Variants in ZNF804B observed in about 807,000 individuals in gnomAD.
ZNF804B encodes zinc finger 804B.
In ZNF804B, 80 loss-of-function variants were observed where a neutral mutation model predicts 101.4. The observed-to-expected ratio is 0.79, with a 90% CI of 0.66 to 0.95. ZNF804B has a LOEUF of 0.95. ZNF804B is among the 40% of genes least tolerant of loss of function. The pLI is 0.00. For missense variants in ZNF804B, 1,673 were observed against 1,561.9 expected, an observed-to-expected ratio of 1.07 and a Z score of -1.20; for synonymous variants, 622 against 558.8, an observed-to-expected ratio of 1.11 and a Z score of -1.59.
intron 1 of ZNF804B, among the ~76,000 whole-genome samples, chr7:88,773,166 G>T (rs28593572): frequency 0.023 from 3,440 of 152,272 alleles, 125 homozygotes; most frequent in African/African-American, 0.078. Context: ...TATGAAAAAT[G>T]TTAAAGTGAC....
intron 2 of ZNF804B, among the ~76,000 whole-genome samples, chr7:89,221,376 A>G (rs566851993): frequency 6.6e-6 from 1 of 152,002 alleles, no homozygotes; most frequent in South Asian, 2.1e-4. Context: ...AGACCAGGAA[A>G]GGTCTCATGC....
chr7:88,978,976 G>T (rs901061942), intron 1 of ZNF804B, among the ~76,000 whole-genome samples: 1 of 151,748 alleles, frequency 6.6e-6, no homozygotes, highest in Non-Finnish European at 1.5e-5. Flanking sequence ...AGACTTGCAA[G>T]TAACATCTTA....
intron 2 of ZNF804B, among the ~76,000 whole-genome samples, chr7:89,320,297 T>C (rs2115966617): frequency 6.6e-6 from 1 of 152,074 alleles, no homozygotes; most frequent in South Asian, 2.1e-4. Context: ...AGTAATGATA[T>C]ACAACAAAAA....
chr7:89,051,257 A>G (rs1223415821), intron 1 of ZNF804B, among the ~76,000 whole-genome samples: 2 of 152,144 alleles, frequency 1.3e-5, no homozygotes, highest in Non-Finnish European at 2.9e-5. Flanking sequence ...ATAAATTTTT[A>G]AGTAGGTATT....
In ZNF804B at chr7:88,794,981, T is replaced by C. The variant is rs142365225; in HGVS notation, c.108+34897T>C. On this transcript the variant is annotated intron_variant, in intron 1 of 3. Transcript: ENST00000333190. ...TATTTTTCCAGATGATTCCAGCTTT[T>C]AGCTTATCATAATATTTATGCTGCC... 103 of 1,501,454 alleles carry C rather than the reference T, an allele frequency of 6.9e-5. No individual in the cohort carries two copies. In the African/African-American group the frequency reaches 1.3e-3, roughly 18 times the overall value. 93.0% of individuals were successfully genotyped at this position (1,501,454 alleles called of 1,614,324 possible).
At chr7:89,208,097 T>G (rs543671775) in intron 1 of ZNF804B, among the ~76,000 whole-genome samples, 1 of 151,286 alleles carries the variant, frequency 6.6e-6, no homozygotes, top group African/African-American at 2.4e-5. Context: ...TTTTTTTTTT[T>G]TTGAGACAGA....
At chr7:89,178,659 T>C (rs1399550248) in intron 1 of ZNF804B, among the ~76,000 whole-genome samples, 1 of 152,162 alleles carries the variant, frequency 6.6e-6, no homozygotes, top group African/African-American at 2.4e-5. Flanking sequence ...TTTTTGATCA[T>C]TTCATCTTTA....
intron 1 of ZNF804B, among the ~76,000 whole-genome samples, chr7:89,024,977 AC>A (rs1322452056): frequency 6.6e-6 from 1 of 151,948 alleles, no homozygotes; most frequent in Non-Finnish European, 1.5e-5. Context: ...GACTAATTAC[AC>A]CCATACCTAT....
At chr7:88,912,004 G>T in intron 1 of ZNF804B, among the ~76,000 whole-genome samples, 1 of 151,530 alleles carries the variant, frequency 6.6e-6, no homozygotes, top group East Asian at 1.9e-4. Context: ...ACAGTAATTT[G>T]CTTATCCATT....
chr7:89,150,632 T>C (rs1033689410), intron 1 of ZNF804B, among the ~76,000 whole-genome samples: 8 of 152,168 alleles, frequency 5.3e-5, no homozygotes, highest in Admixed American at 4.6e-4. Context: ...GTCCATCTAA[T>C]ATGCTTTTCA....
At chr7:89,041,092 C>T (rs1425796453) in intron 1 of ZNF804B, among the ~76,000 whole-genome samples, 1 of 152,114 alleles carries the variant, frequency 6.6e-6, no homozygotes, top group Non-Finnish European at 1.5e-5. Context: ...GGTAGCTGGC[C>T]TGGAACCTTG....
intron 1 of ZNF804B, among the ~76,000 whole-genome samples, chr7:88,975,627 T>A (rs905638748): frequency 1.3e-5 from 2 of 151,532 alleles, no homozygotes; most frequent in African/African-American, 4.8e-5. Context: ...ATTATGAAAT[T>A]TTTTCTCATT....
At chr7:89,073,671 G>A (rs925753150) in intron 1 of ZNF804B, among the ~76,000 whole-genome samples, 10 of 151,946 alleles carry the variant, frequency 6.6e-5, no homozygotes, top group East Asian at 1.9e-4. Context: ...CACTAGATTC[G>A]TAATCAAATG....
At chr7:89,045,093 G>A (rs1218422198) in intron 1 of ZNF804B, among the ~76,000 whole-genome samples, 2 of 152,192 alleles carry the variant, frequency 1.3e-5, no homozygotes, top group Non-Finnish European at 2.9e-5. Flanking sequence ...TTCAGCTCCA[G>A]CCAGGGCTAA....
intron 1 of ZNF804B, among the ~76,000 whole-genome samples, chr7:89,081,850 T>C (rs1021133498): frequency 6.6e-6 from 1 of 151,782 alleles, no homozygotes; most frequent in Non-Finnish European, 1.5e-5. Context: ...TTCTATACTT[T>C]AGTTTCTTCT....
chr7:89,291,265 T>C (rs1028580313), intron 2 of ZNF804B, among the ~76,000 whole-genome samples: 13 of 149,156 alleles, frequency 8.7e-5, no homozygotes, highest in Admixed American at 4.0e-4. Flanking sequence ...CTAGAAAATA[T>C]CACCTCACCA....
intron 1 of ZNF804B, among the ~76,000 whole-genome samples, chr7:88,852,153 G>T (rs1407614633): frequency 1.3e-5 from 2 of 152,084 alleles, no homozygotes; most frequent in Non-Finnish European, 2.9e-5. Context: ...GCATCTGGTT[G>T]TACTTGCAGA....
chr7:88,975,828 A>G (rs1446297989), intron 1 of ZNF804B, among the ~76,000 whole-genome samples: 2 of 151,214 alleles, frequency 1.3e-5, no homozygotes, highest in Non-Finnish European at 1.5e-5. Flanking sequence ...GTTGAGTAAT[A>G]CCCCCAAAGT....
intron 2 of ZNF804B, among the ~76,000 whole-genome samples, chr7:89,238,625 A>G (rs1789318603): frequency 6.6e-6 from 1 of 152,232 alleles, no homozygotes; most frequent in South Asian, 2.1e-4. Context: ...CAACTAGAGA[A>G]TCTCTATAAA....
Sources: gnomAD v4.1 joint callset for allele counts (sites outside exome capture counted in the v4.1 genomes callset) on GRCh38, gnomAD v4.1.1 for gene constraint, MANE v1.5 for transcripts, NCBI Gene and HGNC (gene_info 2026-07-23, HGNC 2026-07-21) for gene names.